The following GPHN variants were observed in gnomAD, a reference collection of about 807,000 sequenced individuals.
GPHN encodes the protein gephyrin.
GPHN carries 17 observed loss-of-function variants against 95.5 expected under a neutral mutation model. That is an observed-to-expected ratio of 0.18 (90% confidence interval 0.12 to 0.27). GPHN has a LOEUF of 0.27. GPHN is among the 10% of genes least tolerant of loss of function. The pLI, the probability that GPHN is intolerant of heterozygous loss-of-function variation, is 1.00. For synonymous variants in GPHN, 320 were observed against 322.5 expected (o/e 0.99, Z 0.08); for missense variants, 660 against 978.1 (o/e 0.67, Z 4.34).
the GPHN span, among the ~76,000 whole-genome samples, chr14:67,551,925 C>T: frequency 6.6e-6 from 1 of 152,090 alleles, no homozygotes; most frequent in Admixed American, 6.5e-5. Context: ...CATTGAGACC[C>T]GGGATGGTGT....
chr14:67,323,335 A>C, the GPHN span, among the ~76,000 whole-genome samples: 29 of 151,654 alleles, frequency 1.9e-4, no homozygotes, highest in African/African-American at 7.0e-4. Context: ...GAATTGGGCC[A>C]GGTGCAGTGG....
chr14:67,113,251 A>G, intron 16 of GPHN, 80 bp downstream of exon 16: 2 of 1,262,030 alleles, frequency 1.6e-6, no homozygotes, highest in Non-Finnish European at 1.2e-6. Flanking sequence ...TGTGTTGTAA[A>G]TAGAATGTTG....
At chr14:66,859,503 C>G (rs1346400722) in intron 4 of GPHN, among the ~76,000 whole-genome samples, 1 of 152,218 alleles carries the variant, frequency 6.6e-6, no homozygotes, top group Admixed American at 6.5e-5. Context: ...CTGAGAGAGA[C>G]AGGTGCCAAC....
chr14:67,013,097 C>T (rs766123749), intron 9 of GPHN, among the ~76,000 whole-genome samples: 4 of 151,996 alleles, frequency 2.6e-5, no homozygotes, highest in Admixed American at 6.6e-5. Context: ...AAGAGCCTGG[C>T]GATGGCTCTG....
At chr14:66,800,289 A>G (rs2060299606) in intron 3 of GPHN, among the ~76,000 whole-genome samples, 1 of 152,064 alleles carries the variant, frequency 6.6e-6, no homozygotes, top group African/African-American at 2.4e-5. Context: ...TGTACTTACT[A>G]TTACCAGTGA....
At chr14:66,608,179 A>G (rs1179626782) in intron 1 of GPHN, among the ~76,000 whole-genome samples, 2 of 151,556 alleles carry the variant, frequency 1.3e-5, no homozygotes, top group African/African-American at 4.8e-5. Context: ...TTTTGTTAAT[A>G]TGTGGTTCTG....
At chr14:67,593,130 T>G in the GPHN span, 1 of 166,122 alleles carries the variant, frequency 6.0e-6, no homozygotes, top group Non-Finnish European at 1.3e-5. Flanking sequence ...TTTTCACAAA[T>G]GTTTAAGTAG....
chr14:66,591,601 A>G (rs192723228), intron 1 of GPHN, among the ~76,000 whole-genome samples: 1 of 152,340 alleles, frequency 6.6e-6, no homozygotes, highest in Admixed American at 6.5e-5. Context: ...CTTACAAGGG[A>G]TGTGAAGGAC....
chr14:67,025,508 A>G (rs1446618353), intron 10 of GPHN, among the ~76,000 whole-genome samples: 2 of 152,194 alleles, frequency 1.3e-5, no homozygotes, highest in Non-Finnish European at 2.9e-5. Context: ...CACCCTGAGG[A>G]ATTTTTGATA....
intron 12 of GPHN, among the ~76,000 whole-genome samples, chr14:67,099,781 A>G (rs1173671436): frequency 2.6e-5 from 4 of 152,122 alleles, no homozygotes; most frequent in Admixed American, 6.5e-5. Context: ...AATTAATCTA[A>G]TGTCCTTTTA....
the GPHN span, among the ~76,000 whole-genome samples, chr14:67,707,615 G>A: frequency 5.9e-5 from 9 of 152,166 alleles, no homozygotes; most frequent in Admixed American, 2.6e-4. Context: ...TTTTAGTAGA[G>A]ATGGGATTTC....
intron 10 of GPHN, among the ~76,000 whole-genome samples, chr14:67,046,592 A>G (rs184817005): frequency 3.0e-4 from 46 of 152,302 alleles, no homozygotes; most frequent in Admixed American, 3.3e-4. Flanking sequence ...TGCCTATTTT[A>G]TCATCTTTAT....
chr14:66,877,885 A>G (rs546419214), intron 4 of GPHN, among the ~76,000 whole-genome samples: 1 of 151,062 alleles, frequency 6.6e-6, no homozygotes, highest in South Asian at 2.1e-4. Flanking sequence ...AAACTACTTT[A>G]ATATGGAACC....
chr14:66,707,152 G>A (rs1049204140), intron 2 of GPHN, among the ~76,000 whole-genome samples: 1 of 152,010 alleles, frequency 6.6e-6, no homozygotes, highest in African/African-American at 2.4e-5. Context: ...TTATTAAAAA[G>A]TCAATAAACA....
At chr14:66,912,186 T>C (rs2065704891) in intron 5 of GPHN, among the ~76,000 whole-genome samples, 2 of 152,076 alleles carry the variant, frequency 1.3e-5, no homozygotes, top group Admixed American at 6.6e-5. Flanking sequence ...CCACCCACAC[T>C]TGTTGTTGTT....
the GPHN span, among the ~76,000 whole-genome samples, chr14:67,361,139 A>G: frequency 6.6e-6 from 1 of 152,242 alleles, no homozygotes; most frequent in Admixed American, 6.5e-5. Context: ...AACCTAAGAT[A>G]AGGATATATT....
At chr14:66,779,091 A>G (rs1477840133) in intron 3 of GPHN, among the ~76,000 whole-genome samples, 3 of 152,242 alleles carry the variant, frequency 2.0e-5, no homozygotes, top group South Asian at 2.1e-4. Flanking sequence ...TGTTTGCATT[A>G]TTTTTAAATC....
chr14:67,159,203 C>T (rs905987805), intron 18 of GPHN, among the ~76,000 whole-genome samples: 3 of 152,104 alleles, frequency 2.0e-5, no homozygotes, highest in African/African-American at 7.2e-5. Context: ...GACTGGTACT[C>T]ATCATATACC....
At chr14:67,653,915 G>A in the GPHN span, among the ~76,000 whole-genome samples, 5 of 152,256 alleles carry the variant, frequency 3.3e-5, no homozygotes, top group South Asian at 8.3e-4. Flanking sequence ...ACTGCTTTTG[G>A]GATCTGGTTT....
Sources: gnomAD v4.1 joint callset for allele counts (sites outside exome capture counted in the v4.1 genomes callset) on GRCh38, gnomAD v4.1.1 for gene constraint, MANE v1.5 for transcripts, NCBI Gene and HGNC (gene_info 2026-07-23, HGNC 2026-07-21) for gene names.